Variants in APOL4 observed in about 807,000 individuals in gnomAD.
APOL4 encodes the protein apolipoprotein L4.
Under a neutral mutation model 12.1 loss-of-function variants are expected in APOL4, and 14 were observed. That is an observed-to-expected ratio of 1.16 (90% CI 0.76 to 1.81). The LOEUF is 1.81. Among genes scored for constraint, APOL4 ranks in the 40% most tolerant of loss-of-function variants. The probability of loss-of-function intolerance (pLI) is 0.00; values close to 1 mark genes in which losing one functional copy is unlikely to be tolerated. For missense variants in APOL4, 432 were observed against 423.1 expected, an observed-to-expected ratio of 1.02 and a Z score of -0.18; for synonymous variants, 171 against 160.6, an observed-to-expected ratio of 1.06 and a Z score of -0.49.
chr22:36,197,399 CT>C, intron 2 of APOL4: 1 of 462,470 alleles, frequency 2.2e-6, no homozygotes, highest in Non-Finnish European at 3.6e-6. Context: ...CTTGTTTTTT[CT>C]TTTTCCTTCT....
At chr22:36,199,779 G>A (rs573977066) in intron 1 of APOL4, among the ~76,000 whole-genome samples, 1 of 152,320 alleles carries the variant, frequency 6.6e-6, no homozygotes, top group Admixed American at 6.5e-5. Flanking sequence ...TGTCTGTGAT[G>A]TGCAGGGCTT....
chr22:36,203,787 A>G (rs868390540), upstream of APOL4, among the ~76,000 whole-genome samples: 6 of 152,226 alleles, frequency 3.9e-5, no homozygotes, highest in Admixed American at 1.3e-4. Context: ...GGGGAAGCAC[A>G]TCACGTGCTG....
upstream of APOL4, chr22:36,204,578 C>T: frequency 3.0e-6 from 1 of 337,596 alleles, no homozygotes; most frequent in South Asian, 5.0e-5. Context: ...CCTCATAGAG[C>T]TATTGCGAGA....
At chr22:36,195,523 C>G in intron 2 of APOL4, 86 bp from the exon 3 acceptor site, 1 of 1,465,866 alleles carries the variant, frequency 6.8e-7, no homozygotes, top group East Asian at 2.3e-5. Flanking sequence ...GGTGTTAATC[C>G]TCCTGAACCA....
intron 2 of APOL4, among the ~76,000 whole-genome samples, chr22:36,199,090 G>A (rs1603478466): frequency 1.3e-5 from 2 of 152,216 alleles, no homozygotes; most frequent in South Asian, 2.1e-4. Context: ...GAGGAAGTGG[G>A]CACCTGGGCC....
chr22:36,204,503 C>T (rs758432149), upstream of APOL4: 1 of 210,496 alleles, frequency 4.8e-6, no homozygotes, highest in African/African-American at 2.3e-5. Flanking sequence ...CCACTGCTTT[C>T]CTGTCTGATC....
Position 36,191,230 on chromosome 22 carries a change from C to G in APOL4, c.892G>C (p.Val298Leu), listed in dbSNP as rs576461754. The change falls in exon 4 of 4, where the codon GTT becomes CTT. Residue 298 changes from valine (V) to leucine (L), a missense_variant. By Grantham distance (32) the Val-to-Leu change is conservative (BLOSUM62 1). Coordinates refer to ENST00000683024, the MANE Select transcript of APOL4 (RefSeq NM_001386885.1). ...ACAAGGTTGACTACATCCAGCACAACAAGGACACCTGAAGTGGCCTTGCCC... is the reference window on the plus strand; with the variant it reads ...ACAAGGTTGACTACATCCAGCACAAGAAGGACACCTGAAGTGGCCTTGCCC... Reference protein sequence around the residue: ...NLGKATSGVLVVLDVVNLVQD... With the variant: ...NLGKATSGVLLVLDVVNLVQD... 6.2e-7 allele frequency: 1 copy of G among 1,614,020 alleles called. No homozygotes were observed. The highest frequency in any genetic ancestry group is 2.2e-5 in the East Asian group (1 of 44,884).
In APOL4 at chr22:36,189,309, A is replaced by T; in HGVS notation, c.*1766T>A. 6.6e-6 allele frequency: 1 copy of T among 152,144 alleles called. No homozygotes were observed. Among genetic ancestry groups the T allele is most frequent in the Non-Finnish European group, 1.5e-5 (1 of 68,052 alleles). The allele number at this position is 152,144 out of a possible 1,614,324, so 9.4% of individuals were successfully genotyped here. On this transcript the variant is annotated 3_prime_UTR_variant, in exon 4 of 4. Transcript: ENST00000683024. ...CTCAGATACTCTCCAGGATGTTTGG[A>T]TTCTCAGAGACACCTGGTCCTCAGC... is the stretch of plus-strand genomic sequence containing the variant.
At chr22:36,201,633 G>T (rs132732) in intron 1 of APOL4, 67 bp downstream of exon 1, 155,507 of 1,315,012 alleles carry the variant, frequency 0.12, 47,881 homozygotes, top group East Asian at 0.78. Context: ...CCATGAGCCA[G>T]TAGAACTGGG....
intron 2 of APOL4, chr22:36,197,353 T>G (rs1436444306): frequency 9.4e-6 from 3 of 319,760 alleles, no homozygotes; most frequent in Non-Finnish European, 1.7e-5. Context: ...CTTAGGGAAA[T>G]GAACGCAGTG....
Position 36,191,602 on chromosome 22 carries a change from C to G in APOL4, c.520G>C (p.Gly174Arg), listed in dbSNP as rs1487081232. ...LSLSITAAGV[G>R]LGIASATAGI... ...GCCGTGGCAGATGCTATTCCCAGCC[C>G]TACCCCAGCTGCAGTAATGCTCAGG... Residue 174 changes from glycine to arginine, a missense_variant, in exon 4 of 4, where the codon GGG (glycine) becomes CGG (arginine). Gly to Arg is a moderately radical substitution (Grantham distance 125). Transcript: ENST00000683024. The G allele has an allele frequency of 6.2e-7, 1 of 1,613,544 alleles. No homozygotes were observed. The highest frequency in any genetic ancestry group is 8.5e-7 in the Non-Finnish European group (1 of 1,179,642).
chr22:36,201,738 C>T lies in APOL4; in HGVS notation c.-4G>A, dbSNP rs1286819615. The T allele has an allele frequency of 6.2e-6, 10 of 1,606,902 alleles. No individual in the cohort carries two copies. The highest frequency in any genetic ancestry group is 2.2e-5 in the South Asian group (2 of 89,370). On this transcript the variant is annotated 5_prime_UTR_variant, in exon 1 of 4. Transcript: ENST00000683024. ...TGAGCTGCACCCAGGATCCCATCCTCCTTGGTCATTGTTGGCCTGGCTCAG... is the reference window on the plus strand; with the variant it reads ...TGAGCTGCACCCAGGATCCCATCCTTCTTGGTCATTGTTGGCCTGGCTCAG...
In APOL4 at chr22:36,191,563, TG is replaced by T. The variant is rs1161958525; in HGVS notation, c.558del (p.Ser187AlafsTer18). The T allele has an allele frequency of 6.2e-6, 10 of 1,613,830 alleles. No homozygotes were observed. The Admixed American group carries it at 6.7e-5, about 11-fold the overall frequency. ...CTTGTGTATGTGTTCTCCACGATGC[TG>T]GAGGCGATCCCAGCCGTGGCAGATG... ...GIASATAGIA[S>X]SIVENTYTRS... is the part of the protein sequence containing the mutation. On this transcript the variant is annotated frameshift_variant, in exon 4 of 4. Coordinates refer to ENST00000683024, the MANE Select transcript of APOL4 (RefSeq NM_001386885.1). LOFTEE classifies it low-confidence loss of function (END_TRUNC).
chr22:36,200,269 C>T (rs2146947766), intron 1 of APOL4, among the ~76,000 whole-genome samples: 1 of 152,320 alleles, frequency 6.6e-6, no homozygotes, highest in Middle Eastern at 3.4e-3. Context: ...AACCTCATGT[C>T]TTCAATGACT....
intron 2 of APOL4, among the ~76,000 whole-genome samples, chr22:36,195,770 T>TCACA (rs1294624840): frequency 5.5e-5 from 5 of 90,144 alleles, no homozygotes; most frequent in African/African-American, 2.2e-4. Context: ...TCTCTCTCTC[T>TCACA]CTCTCTCACA....
intron 3 of APOL4, 32 bp downstream of exon 3, chr22:36,195,279 G>A (rs767336666): frequency 1.6e-5 from 25 of 1,602,586 alleles, no homozygotes; most frequent in Non-Finnish European, 8.5e-6. Flanking sequence ...CATCACCGGG[G>A]TGCCCCAAGG....
At chr22:36,197,057 G>A (rs2146942789) in intron 2 of APOL4, among the ~76,000 whole-genome samples, 1 of 152,238 alleles carries the variant, frequency 6.6e-6, no homozygotes, top group South Asian at 2.1e-4. Flanking sequence ...TGGTCTCAGG[G>A]TACACGGCTC....
rs372881822 is a variant in APOL4 at position 36,201,766 on chromosome 22, G to A, written c.-32C>T. Reference sequence around the variant, plus strand: ...TGGTCATTGTTGGCCTGGCTCAGACGCTGATCTGGGGCCTCTGCTGAATGT... The same window carrying A: ...TGGTCATTGTTGGCCTGGCTCAGACACTGATCTGGGGCCTCTGCTGAATGT... On this transcript the variant is annotated 5_prime_UTR_variant, in exon 1 of 4. Transcript: ENST00000683024. 2.0e-4 allele frequency: 323 copies of A among 1,597,936 alleles called. 3 individuals carry two copies. Among genetic ancestry groups the A allele is most frequent in the Middle Eastern group, 1.3e-3 (8 of 6,068 alleles).
upstream of APOL4, among the ~76,000 whole-genome samples, chr22:36,203,693 C>A (rs1207383621): frequency 6.6e-5 from 10 of 152,140 alleles, no homozygotes; most frequent in Non-Finnish European, 1.5e-5. Context: ...CCTAGAAGAG[C>A]CACGGCAAGA....
Sources: allele counts gnomAD v4.1 joint callset (sites outside exome capture counted in the v4.1 genomes callset), GRCh38; gene constraint gnomAD v4.1.1; transcripts MANE v1.5; gene names NCBI Gene and HGNC (gene_info 2026-07-23, HGNC 2026-07-21).